Variants in IRAK3 observed in about 807,000 individuals in gnomAD.
The protein encoded by IRAK3 is interleukin 1 receptor associated kinase 3, also known as interleukin-1 receptor-associated kinase 3.
IRAK3 carries 57 observed loss-of-function variants against 56.6 expected under a neutral mutation model. The ratio of observed to expected loss-of-function variants is 1.01; its 90% CI spans 0.81 to 1.26. The LOEUF is 1.26. Among genes scored for constraint, IRAK3 ranks in the 50% most tolerant of loss-of-function variants. IRAK3 has a pLI of 0.00. For missense variants in IRAK3, 703 were observed against 719.0 expected, an observed-to-expected ratio of 0.98 and a Z score of 0.25; for synonymous variants, 258 against 255.7, an observed-to-expected ratio of 1.01 and a Z score of -0.09.
chr12:66,226,327 C>T (rs113451493), intron 6 of IRAK3, among the ~76,000 whole-genome samples: 3 of 152,012 alleles, frequency 2.0e-5, no homozygotes, highest in South Asian at 4.1e-4. Flanking sequence ...CGGCAACCTC[C>T]GCCTTCCGGT....
chr12:66,224,312 G>A (rs77786716), intron 6 of IRAK3, among the ~76,000 whole-genome samples: 2,813 of 152,274 alleles, frequency 0.018, 28 homozygotes, highest in Middle Eastern at 0.048. Flanking sequence ...TAAGGCAGAT[G>A]CAGCTTTCTC....
At chr12:66,223,255 C>T (rs569287712) in intron 6 of IRAK3, among the ~76,000 whole-genome samples, 6 of 152,226 alleles carry the variant, frequency 3.9e-5, no homozygotes, top group Admixed American at 3.9e-4. Flanking sequence ...ACATGCAGGT[C>T]ACAGGGGATG....
Position 66,253,716 on chromosome 12 carries a change from A to C in IRAK3, c.*5545A>C, listed in dbSNP as rs1592610155. ...GGAGGTAGGAATGGCTTACTTGCGG[A>C]AATGCAGGCTCATTGTTGTGTCTAG... is the stretch of plus-strand genomic sequence containing the variant. On this transcript the variant is annotated 3_prime_UTR_variant, in exon 12 of 12. Transcript: ENST00000261233. The C allele has an allele frequency of 6.6e-6, 1 of 152,240 alleles. No individual in the cohort carries two copies. Among genetic ancestry groups the C allele is most frequent in the East Asian group, 1.9e-4 (1 of 5,198 alleles). 9.4% of individuals were successfully genotyped at this position (152,240 alleles called of 1,614,324 possible).
chr12:66,245,839 A>G (rs1592605407), intron 11 of IRAK3, among the ~76,000 whole-genome samples: 4 of 152,276 alleles, frequency 2.6e-5, no homozygotes, highest in African/African-American at 9.6e-5. Flanking sequence ...TAAATGCAGC[A>G]TATATTTTCC....
chr12:66,206,948 A>G (rs1195827706), intron 2 of IRAK3, among the ~76,000 whole-genome samples: 3 of 152,180 alleles, frequency 2.0e-5, no homozygotes, highest in Non-Finnish European at 4.4e-5. Context: ...GTGTCTTCCT[A>G]GAAACCTGTC....
Position 66,203,800 on chromosome 12 carries a change from T to C in IRAK3, c.223T>C (p.Ser75Pro), listed in dbSNP as rs772821863. Residue 75 changes from serine (S) to proline (P), a missense_variant, in exon 2 of 12, where the codon TCC (serine) becomes CCC (proline). Transcript: ENST00000261233. ...GKSGTRELLW[S>P]WAQKNKTIGD... ...AAGTGGAACAAGAGAATTACTTTGGTCCTGGGCACAGAAAAACAAGACCAT... is the reference window on the plus strand; with the variant it reads ...AAGTGGAACAAGAGAATTACTTTGGCCCTGGGCACAGAAAAACAAGACCAT... 18 of 1,613,894 alleles carry C rather than the reference T, an allele frequency of 1.1e-5. No individual in the cohort carries two copies. The Admixed American group carries it at 3.0e-4, about 27-fold the overall frequency.
chr12:66,226,595 G>T, intron 6 of IRAK3, 128 bp from the exon 7 acceptor site: 3 of 697,210 alleles, frequency 4.3e-6, no homozygotes, highest in Non-Finnish European at 7.9e-6. Flanking sequence ...TACCCAATGT[G>T]TCCGGCTGAA....
rs1238177013 is a variant in IRAK3 at position 66,223,208 on chromosome 12, T to C, written c.654-3515T>C. Among the ~76,000 whole-genome samples, 4 of 152,306 alleles carry C rather than the reference T, an allele frequency of 2.6e-5. No individual in the cohort carries two copies. The South Asian group carries it at 8.3e-4, about 32-fold the overall frequency. ...CATGCCATTTAAATATCACTTCTTT[T>C]GTGATTCTTCAGTTACTTCAGGCCA... On this transcript the variant is annotated intron_variant, in intron 6 of 11. Transcript: ENST00000261233.
In IRAK3 at chr12:66,248,161, A is replaced by G. The variant is rs751095771; in HGVS notation, c.1781A>G (p.Lys594Arg). ...KFSWDEYEQY[K>R]KE ...TCCTGGGATGAATATGAACAGTACA[A>G]AAAAGAATAAATTCTACCAGAAGAT... The change falls in exon 12 of 12, where the codon AAA (lysine) becomes AGA (arginine). Residue 594 changes from lysine to arginine, a missense_variant. Coordinates refer to ENST00000261233, the MANE Select transcript of IRAK3 (RefSeq NM_007199.3). The G allele has an allele frequency of 2.5e-6, 4 of 1,611,306 alleles. No homozygotes were observed. The African/African-American group carries it at 5.3e-5, about 22-fold the overall frequency.
chr12:66,223,792 C>A (rs1296909909), intron 6 of IRAK3, among the ~76,000 whole-genome samples: 1 of 150,568 alleles, frequency 6.6e-6, no homozygotes, highest in East Asian at 2.0e-4. Flanking sequence ...CAGCTCACTG[C>A]AAGCTCTTCC....
intron 1 of IRAK3, among the ~76,000 whole-genome samples, chr12:66,190,168 G>A (rs971073294): frequency 3.9e-5 from 6 of 152,160 alleles, no homozygotes; most frequent in African/African-American, 9.7e-5. Context: ...CATGTTTAAT[G>A]TTTATTGAAA....
chr12:66,222,017 A>G (rs1483141715), intron 6 of IRAK3, among the ~76,000 whole-genome samples: 2 of 152,196 alleles, frequency 1.3e-5, no homozygotes, highest in Non-Finnish European at 2.9e-5. Flanking sequence ...CAACAGAGCA[A>G]GACTCGATCT....
chr12:66,207,610 A>C (rs2052569855), intron 2 of IRAK3, among the ~76,000 whole-genome samples: 2 of 152,088 alleles, frequency 1.3e-5, no homozygotes, highest in African/African-American at 4.8e-5. Flanking sequence ...GTGAAAGTTT[A>C]GTTTACTGAT....
chr12:66,234,055 T>C, intron 8 of IRAK3: 1 of 1,613,472 alleles, frequency 6.2e-7, no homozygotes, highest in South Asian at 1.1e-5. Flanking sequence ...TAAGAACACC[T>C]TTCTGTACAT....
chr12:66,245,066 T>C (rs761584884), intron 10 of IRAK3, 32 bp from the exon 11 acceptor site: 4 of 1,613,916 alleles, frequency 2.5e-6, no homozygotes, highest in Non-Finnish European at 1.7e-6. Context: ...GATCAAGTTC[T>C]CTGTGATAAA....
chr12:66,248,289 G>T lies in IRAK3; in HGVS notation c.*118G>T. 1.4e-6 allele frequency: 1 copy of T among 722,116 alleles called. No individual in the cohort carries two copies. The allele number at this position is 722,116 out of a possible 1,614,324, so 44.7% of individuals were successfully genotyped here. A position where few individuals can be genotyped will look rare whatever the true frequency, so the allele number is the denominator to read the frequency against. Reference sequence around the variant, plus strand: ...CAAGAGAATGATCAATAGTGAGTTTGGGTGATGCAGATAAACAATCTGGAT... The same window carrying T: ...CAAGAGAATGATCAATAGTGAGTTTTGGTGATGCAGATAAACAATCTGGAT... On this transcript the variant is annotated 3_prime_UTR_variant, in exon 12 of 12. Coordinates refer to ENST00000261233, the MANE Select transcript of IRAK3 (RefSeq NM_007199.3).
intron 1 of IRAK3, chr12:66,197,081 C>T (rs766679586): frequency 7.4e-7 from 1 of 1,345,600 alleles, no homozygotes; most frequent in Non-Finnish European, 9.5e-7. Flanking sequence ...CCTTCAAGGA[C>T]TTTTGAGCAT....
intron 9 of IRAK3, 48 bp downstream of exon 9, chr12:66,244,732 G>T: frequency 6.7e-7 from 1 of 1,499,238 alleles, no homozygotes; most frequent in Non-Finnish European, 9.3e-7. Context: ...TGCCAAGAAT[G>T]TTCTAGATTC....
chr12:66,203,923 T>C (rs2052533585), intron 2 of IRAK3, 30 bp downstream of exon 2: 1 of 1,536,388 alleles, frequency 6.5e-7, no homozygotes, highest in Admixed American at 1.7e-5. Context: ...ATGTGGCTCT[T>C]AATCTGTAAT....
Sources: gnomAD v4.1 joint callset for allele counts (sites outside exome capture counted in the v4.1 genomes callset) on GRCh38, gnomAD v4.1.1 for gene constraint, MANE v1.5 for transcripts, NCBI Gene and HGNC (gene_info 2026-07-23, HGNC 2026-07-21) for gene names.